Variants in ST8SIA5 observed in about 807,000 individuals in gnomAD.
ST8SIA5 encodes ST8 alpha-N-acetyl-neuraminide alpha-2,8-sialyltransferase 5, also known as alpha-2,8-sialyltransferase 8E.
Under a neutral mutation model 40.2 loss-of-function variants are expected in ST8SIA5, and 24 were observed. That is an observed-to-expected ratio of 0.60 (90% CI 0.43 to 0.84). The LOEUF is 0.84. Among genes scored for constraint, ST8SIA5 ranks in the 40% least tolerant of loss-of-function variants. ST8SIA5 has a pLI of 0.00. For synonymous variants in ST8SIA5, 198 were observed against 201.8 expected, an observed-to-expected ratio of 0.98 and a Z score of 0.16; for missense variants, 465 against 498.5, an observed-to-expected ratio of 0.93 and a Z score of 0.64.
intron 1 of ST8SIA5, among the ~76,000 whole-genome samples, chr18:46,748,418 G>A (rs2040162860): frequency 6.6e-6 from 1 of 151,740 alleles, no homozygotes; most frequent in Non-Finnish European, 1.5e-5. Context: ...ACAAAAATTA[G>A]CCAGGCATGA....
At position 46,668,841 on chromosome 18, in the gene ST8SIA5, C is replaced by A. The variant is rs11662463; in HGVS notation, c.*11201G>T. ...GAAGCTAGCCACAGTGAGGGCCAGACGTCCCACTGGAGAAGAGTACAGGAC... is the reference window on the plus strand; with the variant it reads ...GAAGCTAGCCACAGTGAGGGCCAGAAGTCCCACTGGAGAAGAGTACAGGAC... On this transcript the variant is annotated 3_prime_UTR_variant, in exon 7 of 7. Coordinates refer to ENST00000315087, the MANE Select transcript of ST8SIA5 (RefSeq NM_013305.6). 33,923 of 152,248 alleles carry A rather than the reference C, an allele frequency of 0.22. 4,483 individuals are homozygous for A. Among genetic ancestry groups the A allele is most frequent in the Middle Eastern group, 0.38 (113 of 294 alleles). The allele number at this position is 152,248 out of a possible 1,614,324, so 9.4% of individuals were successfully genotyped here. A position where few individuals can be genotyped will look rare whatever the true frequency, so the allele number is the denominator to read the frequency against.
intron 1 of ST8SIA5, among the ~76,000 whole-genome samples, chr18:46,713,359 G>C (rs747285809): frequency 3.3e-5 from 5 of 152,196 alleles, no homozygotes; most frequent in Non-Finnish European, 7.3e-5. Context: ...TTAGAGAGAT[G>C]AACAGGTTTG....
chr18:46,712,047 G>A (rs966373669), intron 1 of ST8SIA5, among the ~76,000 whole-genome samples: 1 of 152,146 alleles, frequency 6.6e-6, no homozygotes, highest in East Asian at 1.9e-4. Context: ...GGGGTAGCAG[G>A]GCAAAGCCTG....
In ST8SIA5 at chr18:46,668,044, C is replaced by A. The variant is rs2039285428; in HGVS notation, c.*11998G>T. 6.6e-6 allele frequency: 1 copy of A among 152,288 alleles called. No homozygotes were observed. The highest frequency in any genetic ancestry group is 2.4e-5 in the African/African-American group (1 of 41,466). 9.4% of individuals were successfully genotyped at this position (152,288 alleles called of 1,614,324 possible). A position where few individuals can be genotyped will look rare whatever the true frequency, so the allele number is the denominator to read the frequency against. The stretch of plus-strand genomic sequence containing the variant: ...TTGCATAAAAATAAGATCAGGCCTG[C>A]AGCCCCCATGTCCCCAAACTGTCTT... On this transcript the variant is annotated 3_prime_UTR_variant, in exon 7 of 7. Transcript: ENST00000315087.
Position 46,756,813 on chromosome 18 carries a change from C to G in ST8SIA5, c.-305G>C, listed in dbSNP as rs973478776. On this transcript the variant is annotated 5_prime_UTR_variant, in exon 1 of 7. Transcript: ENST00000315087. ...GGTGCCGGGTAGCCGCCGATTTCCC[C>G]GCGGAGGGGAGACGCCAGGTGCCAC... 1.6e-5 allele frequency: 5 copies of G among 320,090 alleles called. No homozygotes were observed. The highest frequency in any genetic ancestry group is 2.3e-5 in the Non-Finnish European group (4 of 176,188). The allele number at this position is 320,090 out of a possible 1,614,324, so 19.8% of individuals were successfully genotyped here.
chr18:46,701,875 C>T (rs1485412739), intron 2 of ST8SIA5, among the ~76,000 whole-genome samples: 4 of 152,116 alleles, frequency 2.6e-5, no homozygotes, highest in African/African-American at 4.8e-5. Flanking sequence ...CAGCTGGGTG[C>T]GGTGGCTCAC....
At chr18:46,725,971 AAATATAT>A (rs1263250053) in intron 1 of ST8SIA5, among the ~76,000 whole-genome samples, 2 of 42,724 alleles carry the variant, frequency 4.7e-5, no homozygotes, top group African/African-American at 2.5e-4. Context: ...AAAAAAAAAA[AAATATAT>A]ATATATATAT....
chr18:46,734,741 G>A (rs1330118938), intron 1 of ST8SIA5, among the ~76,000 whole-genome samples: 1 of 152,160 alleles, frequency 6.6e-6, no homozygotes, highest in Non-Finnish European at 1.5e-5. Flanking sequence ...CAGCAGCAAT[G>A]AACAAGAGTT....
At chr18:46,688,953 A>C in intron 3 of ST8SIA5, 34 bp from the exon 4 acceptor site, 1 of 1,594,132 alleles carries the variant, frequency 6.3e-7, no homozygotes, top group Non-Finnish European at 8.5e-7. Context: ...GAAAGACGTG[A>C]TGCAGGAAAG....
chr18:46,702,116 C>T (rs938498028), intron 2 of ST8SIA5, among the ~76,000 whole-genome samples: 2 of 142,212 alleles, frequency 1.4e-5, no homozygotes, highest in African/African-American at 5.3e-5. Flanking sequence ...CACTGCACTC[C>T]AGCCTGGGTG....
At chr18:46,719,826 C>CTT (rs1176155721) in intron 1 of ST8SIA5, among the ~76,000 whole-genome samples, 5 of 134,278 alleles carry the variant, frequency 3.7e-5, no homozygotes, top group Non-Finnish European at 8.1e-5. Flanking sequence ...CTTTCTCTTT[C>CTT]TTTCTTTCTT....
At position 46,756,553 on chromosome 18, in the gene ST8SIA5, C is replaced by A. The variant is rs777805105; in HGVS notation, c.-45G>T. On this transcript the variant is annotated 5_prime_UTR_variant, in exon 1 of 7. Transcript: ENST00000315087. ...GGGCGCGGGGTACGGGGCGGCCAGGCAATGACTCGCGGGGTTCCGGGGCCC... is the reference window on the plus strand; with the variant it reads ...GGGCGCGGGGTACGGGGCGGCCAGGAAATGACTCGCGGGGTTCCGGGGCCC... 9 of 1,603,646 alleles carry A rather than the reference C, an allele frequency of 5.6e-6. No homozygotes were observed. In the East Asian group the frequency reaches 2.0e-4, roughly 36 times the overall value.
intron 1 of ST8SIA5, among the ~76,000 whole-genome samples, chr18:46,718,407 C>T (rs2039816013): frequency 6.6e-6 from 1 of 151,144 alleles, no homozygotes; most frequent in Non-Finnish European, 1.5e-5. Flanking sequence ...TATTGGACAA[C>T]ACTTCATAGA....
chr18:46,722,584 G>A (rs1199991064), intron 1 of ST8SIA5, among the ~76,000 whole-genome samples: 1 of 152,216 alleles, frequency 6.6e-6, no homozygotes, highest in African/African-American at 2.4e-5. Flanking sequence ...TTGCCCCAGG[G>A]CAGGCTTTCT....
rs75411313 is a variant in ST8SIA5, at chr18:46,722,627, C to T, written c.132-17963G>A. Among the ~76,000 whole-genome samples the T allele has an allele frequency of 4.4e-4, 67 of 152,358 alleles. No individual in the cohort carries two copies. The East Asian group carries it at 6.2e-3, about 14-fold the overall frequency. On this transcript the variant is annotated intron_variant, in intron 1 of 6. Transcript: ENST00000315087. The stretch of plus-strand genomic sequence containing the variant: ...GCACTATGGCATCTGGGGTTGGCTA[C>T]TTCATTGTTGTGGGACTGTCCTGTG...
At chr18:46,694,835 T>C (rs532363973) in intron 2 of ST8SIA5, among the ~76,000 whole-genome samples, 22 of 134,694 alleles carry the variant, frequency 1.6e-4, no homozygotes, top group Non-Finnish European at 1.2e-4. Flanking sequence ...GGTCCATTAT[T>C]TAAAAAAAAA....
chr18:46,688,542 C>T (rs968586106), intron 4 of ST8SIA5, among the ~76,000 whole-genome samples: 2 of 152,216 alleles, frequency 1.3e-5, no homozygotes, highest in African/African-American at 4.8e-5. Context: ...CACTTTCTCG[C>T]CAAAAGTCAC....
At chr18:46,711,328 T>C (rs1398833801) in intron 1 of ST8SIA5, among the ~76,000 whole-genome samples, 1 of 152,156 alleles carries the variant, frequency 6.6e-6, no homozygotes, top group Non-Finnish European at 1.5e-5. Flanking sequence ...AATAGCCCTA[T>C]GAGGCAAGCA....
Position 46,756,607 on chromosome 18 carries a change from C to A in ST8SIA5, c.-99G>T. ...GGGGCGCGCGGCCGACTTGGCGCCT[C>A]ACGGTGCGGTCAGGCAGGCGGGGGA... On this transcript the variant is annotated 5_prime_UTR_variant, in exon 1 of 7. Transcript: ENST00000315087. 1 of 1,397,542 alleles carries A rather than the reference C, an allele frequency of 7.2e-7. No individual in the cohort carries two copies. The allele number at this position is 1,397,542 out of a possible 1,614,324, so 86.6% of individuals were successfully genotyped here.
Sources: gnomAD v4.1 joint callset for allele counts (sites outside exome capture counted in the v4.1 genomes callset) on GRCh38, gnomAD v4.1.1 for gene constraint, MANE v1.5 for transcripts, NCBI Gene and HGNC (gene_info 2026-07-23, HGNC 2026-07-21) for gene names.